Variants in ZNF398 observed in about 807,000 individuals in gnomAD.
ZNF398 encodes zinc finger DNA binding protein ZER6.
ZNF398 carries 18 observed loss-of-function variants against 41.9 expected under a neutral mutation model. The observed-to-expected ratio is 0.43, with a 90% CI of 0.30 to 0.64. The LOEUF is 0.64. ZNF398 is among the 30% of genes least tolerant of loss of function. The pLI, the probability that ZNF398 is intolerant of heterozygous loss-of-function variation, is 0.14. For synonymous variants in ZNF398, 260 were observed against 308.8 expected (o/e 0.84, Z 1.66); for missense variants, 669 against 822.8 (o/e 0.81, Z 2.29).
intron 4 of ZNF398, among the ~76,000 whole-genome samples, chr7:149,171,985 C>T (rs1795352904): frequency 6.6e-6 from 1 of 152,044 alleles, no homozygotes; most frequent in Non-Finnish European, 1.5e-5. Flanking sequence ...TGTTTTTGAC[C>T]AAAACACCAT....
At position 149,147,871 on chromosome 7, in the gene ZNF398, C is replaced by A; in HGVS notation, c.24+105C>A. On this transcript the variant is annotated intron_variant, in intron 1 of 5. Transcript: ENST00000475153. The surrounding 1 kb of genome is among the most constrained non-coding windows in gnomAD (Gnocchi z 5.6). ...CCAGGCATAGGCGCCGTTCTCGGGT[C>A]CCGCCGGCCACGTCGCCTGTCGCCC... is the stretch of plus-strand genomic sequence containing the variant. 8.0e-7 allele frequency: 1 copy of A among 1,252,006 alleles called. No homozygotes were observed. The allele number at this position is 1,252,006 out of a possible 1,614,324, so 77.6% of individuals were successfully genotyped here.
rs59895177 is a variant in ZNF398, at chr7:149,148,863, C to CTTTTTTTTTTTTTTTTTT, written c.24+1108_24+1125dup. On this transcript the variant is annotated intron_variant, in intron 1 of 5. Transcript: ENST00000475153. ...TTTATGCACGGACCTTTTTCTTTGTCTTTTTTTTTTTTTTTTTTTTTTTTT... is the reference window on the plus strand; with the variant it reads ...TTTATGCACGGACCTTTTTCTTTGTCTTTTTTTTTTTTTTTTTTTTTTTTTTTTTTTTTTTTTTTTTTT... 5.5e-4 allele frequency among the ~76,000 whole-genome samples: 35 copies of CTTTTTTTTTTTTTTTTTT among 63,284 alleles called. 6 individuals are homozygous for CTTTTTTTTTTTTTTTTTT. The highest frequency in any genetic ancestry group is 2.4e-3 in the East Asian group (4 of 1,650). The allele number at this position is 63,284 out of a possible 152,430, so 41.5% of individuals were successfully genotyped here.
intron 2 of ZNF398, among the ~76,000 whole-genome samples, chr7:149,132,847 C>T (rs888255598): frequency 1.3e-5 from 2 of 152,136 alleles, no homozygotes; most frequent in Non-Finnish European, 2.9e-5. Flanking sequence ...GACACAACTG[C>T]CAGCATTCAC....
rs371191864 is a variant in ZNF398 at position 149,176,498 on chromosome 7, C to G, written c.692C>G (p.Ser231Cys). Residue 231 changes from serine (S) to cysteine (C), a missense_variant, in exon 5 of 6, where the codon TCT (serine) becomes TGT (cysteine). Around this residue, in one of 3 missense-constraint regions of ZNF398, gnomAD observed 290 missense variants for 292.9 expected, o/e 0.99. Coordinates refer to ENST00000475153, the MANE Select transcript of ZNF398 (RefSeq NM_170686.3). ...EPGISTSDIL[S>C]WIKQEEEPQV... ...GGTATTTCAACATCAGATATTCTGT[C>G]TTGGATTAAACAAGAAGAAGAGCCT... The G allele has an allele frequency of 6.2e-6, 10 of 1,613,594 alleles. No individual in the cohort carries two copies. Among genetic ancestry groups the G allele is most frequent in the Non-Finnish European group, 8.5e-6 (10 of 1,179,912 alleles).
At chr7:149,160,680 T>C (rs1795090295) in intron 2 of ZNF398, among the ~76,000 whole-genome samples, 1 of 152,212 alleles carries the variant, frequency 6.6e-6, no homozygotes, top group Non-Finnish European at 1.5e-5. Flanking sequence ...TTGTATGTAG[T>C]GGATACTCAG....
intron 1 of ZNF398, among the ~76,000 whole-genome samples, chr7:149,128,322 A>G (rs1563151231): frequency 1.3e-5 from 2 of 152,206 alleles, no homozygotes; most frequent in African/African-American, 4.8e-5. Flanking sequence ...GCAATTGGCT[A>G]TCTGAAGACC....
At chr7:149,151,441 G>A (rs1215235533) in intron 1 of ZNF398, among the ~76,000 whole-genome samples, 1 of 152,174 alleles carries the variant, frequency 6.6e-6, no homozygotes, top group Non-Finnish European at 1.5e-5. Context: ...AAGATGGGAG[G>A]TTGTCGTCAG....
At chr7:149,141,980 G>A (rs186891953) in intron 2 of ZNF398, among the ~76,000 whole-genome samples, 121 of 152,094 alleles carry the variant, frequency 8.0e-4, no homozygotes, top group Admixed American at 4.6e-4. Flanking sequence ...ACAGGGTCTC[G>A]CTTTGCCACT....
chr7:149,159,135 C>G (rs186698873), intron 2 of ZNF398, among the ~76,000 whole-genome samples: 1 of 151,274 alleles, frequency 6.6e-6, no homozygotes, highest in Non-Finnish European at 1.5e-5. Flanking sequence ...TGTACCACCA[C>G]GCCTGGTTAA....
intron 2 of ZNF398, among the ~76,000 whole-genome samples, chr7:149,161,351 G>A (rs1795101140): frequency 1.3e-5 from 2 of 152,140 alleles, no homozygotes; most frequent in African/African-American, 4.8e-5. Flanking sequence ...GCCAGGTGTA[G>A]GACACCAGCC....
intron 2 of ZNF398, among the ~76,000 whole-genome samples, chr7:149,138,972 C>T (rs1488938324): frequency 2.0e-5 from 3 of 146,572 alleles, no homozygotes; most frequent in Admixed American, 7.0e-5. Flanking sequence ...AGTACAGTGA[C>T]GCATCTTGAC....
At chr7:149,157,939 G>A (rs1417820561) in intron 2 of ZNF398, among the ~76,000 whole-genome samples, 2 of 151,950 alleles carry the variant, frequency 1.3e-5, no homozygotes, top group Non-Finnish European at 2.9e-5. Flanking sequence ...GTGGCTCATG[G>A]TGGCAGGCGC....
At chr7:149,141,750 G>A (rs796157854) in intron 2 of ZNF398, among the ~76,000 whole-genome samples, 4 of 152,000 alleles carry the variant, frequency 2.6e-5, no homozygotes, top group South Asian at 2.1e-4. Context: ...CACTGTGCCC[G>A]GCCTAATTTT....
intron 4 of ZNF398, among the ~76,000 whole-genome samples, chr7:149,174,811 G>A (rs1183254006): frequency 6.6e-6 from 1 of 152,164 alleles, no homozygotes; most frequent in African/African-American, 2.4e-5. Context: ...GGGTGATAGA[G>A]TGAGACCCTG....
chr7:149,174,167 T>A (rs1226759720), intron 4 of ZNF398, among the ~76,000 whole-genome samples: 1 of 152,184 alleles, frequency 6.6e-6, no homozygotes, highest in Non-Finnish European at 1.5e-5. Context: ...AGTCACCAGC[T>A]GCATCAGCCT....
intron 2 of ZNF398, among the ~76,000 whole-genome samples, chr7:149,163,783 A>G (rs1405834632): frequency 6.6e-6 from 1 of 152,180 alleles, no homozygotes; most frequent in Non-Finnish European, 1.5e-5. Flanking sequence ...TTTAATCATT[A>G]AAGATTACAT....
chr7:149,138,747 T>C (rs888972278), intron 2 of ZNF398, among the ~76,000 whole-genome samples: 6 of 152,182 alleles, frequency 3.9e-5, no homozygotes, highest in African/African-American at 7.2e-5. Flanking sequence ...TATGATTATA[T>C]GTGGCCTTTG....
intron 2 of ZNF398, among the ~76,000 whole-genome samples, chr7:149,137,106 A>T (rs953315644): frequency 6.6e-6 from 1 of 152,020 alleles, no homozygotes; most frequent in Non-Finnish European, 1.5e-5. Flanking sequence ...ACCTCAGGTG[A>T]TCCTCCCACC....
chr7:149,163,939 C>T (rs749263260), intron 2 of ZNF398, among the ~76,000 whole-genome samples: 19 of 152,028 alleles, frequency 1.2e-4, no homozygotes, highest in East Asian at 9.7e-4. Context: ...TGGTGAAACC[C>T]CGTGTCTACT....
Sources: gnomAD v4.1 joint callset for allele counts (sites outside exome capture counted in the v4.1 genomes callset) on GRCh38, gnomAD v4.1.1 for gene constraint, gnomAD v4.1.1 regional missense constraint, Gnocchi (gnomAD v3.1) non-coding constraint, MANE v1.5 for transcripts, NCBI Gene and HGNC (gene_info 2026-07-23, HGNC 2026-07-21) for gene names.